SEPTIN10: variants seen among roughly 807,000 people sequenced by gnomAD.
SEPTIN10 encodes the protein septin-10.
In SEPTIN10, 66 loss-of-function variants were observed where a neutral mutation model predicts 54.8. The ratio of observed to expected loss-of-function variants is 1.21; its 90% CI spans 0.99 to 1.48. The LOEUF is 1.48. Ranked by LOEUF, SEPTIN10 falls within the 40% of genes most tolerant of loss-of-function variation. The probability of loss-of-function intolerance (pLI) is 0.00; values close to 1 mark genes in which losing one functional copy is unlikely to be tolerated. For synonymous variants in SEPTIN10, 161 were observed against 181.0 expected, an observed-to-expected ratio of 0.89 and a Z score of 0.89; for missense variants, 620 against 545.6, an observed-to-expected ratio of 1.14 and a Z score of -1.36.
At chr2:109,605,584 A>G (rs1022708137) in intron 1 of SEPTIN10, 5 of 152,246 alleles carry the variant, frequency 3.3e-5, no homozygotes, top group African/African-American at 1.2e-4. Context: ...TGTAGCTAAA[A>G]AAGCTAATCA....
rs558919793 is a variant in SEPTIN10, at chr2:109,590,075, T to C, written c.99+2976A>G. Among the ~76,000 whole-genome samples the C allele has an allele frequency of 2.2e-4, 33 of 147,098 alleles. No individual in the cohort carries two copies. In the East Asian group the frequency reaches 6.0e-3, roughly 27 times the overall value. ...GTGTGTGTATATATATACACACACA[T>C]ATATATGTATATATATACACACATA... On this transcript the variant is annotated intron_variant, in intron 2 of 10. Coordinates refer to ENST00000397712, the MANE Select transcript of SEPTIN10 (RefSeq NM_144710.5).
intron 4 of SEPTIN10, among the ~76,000 whole-genome samples, chr2:109,584,474 C>CA (rs71958517): frequency 0.37 from 26,516 of 71,078 alleles, 4,969 homozygotes; most frequent in East Asian, 0.45. Flanking sequence ...GACTCTGTCT[C>CA]AAAAAAAAAA....
At chr2:109,559,246 G>A (rs1685077083) in intron 8 of SEPTIN10, among the ~76,000 whole-genome samples, 1 of 152,148 alleles carries the variant, frequency 6.6e-6, no homozygotes, top group South Asian at 2.1e-4. Flanking sequence ...ACTATAATGA[G>A]CTACAAAAGC....
chr2:109,598,866 T>TGAG (rs1695914726), intron 1 of SEPTIN10, among the ~76,000 whole-genome samples: 1 of 150,302 alleles, frequency 6.7e-6, no homozygotes, highest in Non-Finnish European at 1.5e-5. Context: ...GGTGACAGAG[T>TGAG]GAGACTAGGT....
At chr2:109,578,466 A>C (rs4953788) in intron 4 of SEPTIN10, among the ~76,000 whole-genome samples, 21,357 of 152,196 alleles carry the variant, frequency 0.14, 2,092 homozygotes, top group African/African-American at 0.28. Context: ...GGAGATTAGA[A>C]ATCTACTGAA....
chr2:109,565,171 T>C (rs191183856), intron 7 of SEPTIN10, among the ~76,000 whole-genome samples: 4 of 152,302 alleles, frequency 2.6e-5, no homozygotes, highest in Admixed American at 6.5e-5. Flanking sequence ...AAAAATGTTA[T>C]ATTTTCTCAA....
At chr2:109,564,634 C>A in intron 7 of SEPTIN10, 100 bp from the exon 8 acceptor site, 1 of 1,011,956 alleles carries the variant, frequency 9.9e-7, no homozygotes. Context: ...ACATGTGAAA[C>A]AACAAATAGC....
At chr2:109,548,191 AC>A (rs1157847829) in intron 9 of SEPTIN10, among the ~76,000 whole-genome samples, 3 of 148,658 alleles carry the variant, frequency 2.0e-5, no homozygotes, top group Non-Finnish European at 4.5e-5. Flanking sequence ...AAAAAAAAAA[AC>A]TAGGGTCTTA....
intron 7 of SEPTIN10, among the ~76,000 whole-genome samples, 171 bp downstream of exon 7, chr2:109,565,592 G>A (rs567424695): frequency 6.6e-6 from 1 of 152,118 alleles, no homozygotes; most frequent in African/African-American, 2.4e-5. Flanking sequence ...GTGGCATAAT[G>A]AGAAGTGGGA....
Position 109,544,141 on chromosome 2 carries a change from T to C in SEPTIN10, c.*168A>G, listed in dbSNP as rs1680557909. The C allele has an allele frequency of 6.5e-7, 1 of 1,543,068 alleles. No individual in the cohort carries two copies. Among genetic ancestry groups the C allele is most frequent in the East Asian group, 2.4e-5 (1 of 41,736 alleles). ...GTAGTATCATTCACTCTGGCTTATG[T>C]ATTGACCTTGTACTTGAAAGTACTT... is the stretch of plus-strand genomic sequence containing the variant. On this transcript the variant is annotated 3_prime_UTR_variant, in exon 11 of 11. Transcript: ENST00000397712.
In SEPTIN10 at chr2:109,543,092, AATC is replaced by A. The variant is rs2104486314; in HGVS notation, c.*1214_*1216del. 1 of 152,768 alleles carries A rather than the reference AATC, an allele frequency of 6.5e-6. No homozygotes were observed. Among genetic ancestry groups the A allele is most frequent in the African/African-American group, 2.4e-5 (1 of 41,590 alleles). 9.5% of individuals were successfully genotyped at this position (152,768 alleles called of 1,614,324 possible). On this transcript the variant is annotated 3_prime_UTR_variant, in exon 11 of 11. Transcript: ENST00000397712. The stretch of plus-strand genomic sequence containing the variant: ...TCTATGACTGTTAAGAAATGTTAGA[AATC>A]ATTAAAATGTTCTGAGAATACCAGT...
intron 1 of SEPTIN10, among the ~76,000 whole-genome samples, chr2:109,612,391 T>C (rs550681603): frequency 6.6e-6 from 1 of 152,288 alleles, no homozygotes; most frequent in East Asian, 1.9e-4. Flanking sequence ...CTTCACTGTA[T>C]CAATCAATGA....
chr2:109,581,353 C>G (rs918551592), intron 4 of SEPTIN10, among the ~76,000 whole-genome samples: 14 of 152,028 alleles, frequency 9.2e-5, no homozygotes, highest in Non-Finnish European at 1.9e-4. Flanking sequence ...TTGAGAATCA[C>G]CTGAACCCAG....
chr2:109,598,565 G>A (rs572804463), intron 1 of SEPTIN10, among the ~76,000 whole-genome samples: 9 of 152,160 alleles, frequency 5.9e-5, no homozygotes, highest in South Asian at 4.2e-4. Flanking sequence ...TCGGGAGGCC[G>A]GGCGTGGTGG....
chr2:109,586,087 T>C (rs925384881), intron 2 of SEPTIN10, among the ~76,000 whole-genome samples: 19 of 152,150 alleles, frequency 1.2e-4, no homozygotes, highest in Non-Finnish European at 2.5e-4. Flanking sequence ...ATTAAAACAT[T>C]CGATTTCCAA....
At chr2:109,598,708 C>T (rs1195721442) in intron 1 of SEPTIN10, among the ~76,000 whole-genome samples, 2 of 151,360 alleles carry the variant, frequency 1.3e-5, no homozygotes, top group Admixed American at 1.3e-4. Flanking sequence ...CCAGGCATGG[C>T]AGTGCATGCC....
At chr2:109,613,668 G>C (rs1380764491) in intron 1 of SEPTIN10, 130 bp downstream of exon 1, 2 of 594,912 alleles carry the variant, frequency 3.4e-6, no homozygotes, top group Admixed American at 9.4e-5. Context: ...GGGGAGCACT[G>C]GGCGGGCGGG....
chr2:109,585,336 G>C lies in SEPTIN10; in HGVS notation c.218-15C>G. 6.3e-7 allele frequency: 1 copy of C among 1,579,170 alleles called. No homozygotes were observed. Among genetic ancestry groups the C allele is most frequent in the South Asian group, 1.2e-5 (1 of 85,200 alleles). ...TCCAGTTTCCCCTGAAACACACAAAGGTACATCTTTATGGTTGCATGAATG... is the reference window on the plus strand; with the variant it reads ...TCCAGTTTCCCCTGAAACACACAAACGTACATCTTTATGGTTGCATGAATG... On this transcript the variant is annotated splice_polypyrimidine_tract_variant and intron_variant, in intron 3 of 10. Transcript: ENST00000397712.
chr2:109,597,100 AGCACACTTG>A (rs1006541965), intron 1 of SEPTIN10, among the ~76,000 whole-genome samples: 3 of 152,112 alleles, frequency 2.0e-5, no homozygotes, highest in African/African-American at 4.8e-5. Flanking sequence ...GGCACATCCC[AGCACACTTG>A]GCTAATTTTT....
Sources: allele counts gnomAD v4.1 joint callset (sites outside exome capture counted in the v4.1 genomes callset), GRCh38; gene constraint gnomAD v4.1.1; transcripts MANE v1.5; gene names NCBI Gene and HGNC (gene_info 2026-07-23, HGNC 2026-07-21).